CACUL1: variants seen among roughly 807,000 people sequenced by gnomAD.
CACUL1 encodes CDK2 associated cullin domain 1.
Under a neutral mutation model 45.2 loss-of-function variants are expected in CACUL1, and 13 were observed. That is an observed-to-expected ratio of 0.29 (90% CI 0.19 to 0.46). CACUL1 has a LOEUF of 0.46. Among genes scored for constraint, CACUL1 ranks in the 20% least tolerant of loss-of-function variants. The pLI is 1.00. For synonymous variants in CACUL1, 197 were observed against 174.2 expected (o/e 1.13, Z -1.03); for missense variants, 421 against 471.4 (o/e 0.89, Z 0.99).
At chr10:118,687,229 T>C (rs1845216258) in intron 7 of CACUL1, among the ~76,000 whole-genome samples, 1 of 152,094 alleles carries the variant, frequency 6.6e-6, no homozygotes. Context: ...TCATACACTC[T>C]CTCCACAGGC....
intron 3 of CACUL1, among the ~76,000 whole-genome samples, chr10:118,708,835 G>C (rs1410295060): frequency 6.6e-6 from 1 of 152,158 alleles, no homozygotes; most frequent in African/African-American, 2.4e-5. Context: ...CGAATAGGAA[G>C]CACCTTTGTC....
intron 3 of CACUL1, among the ~76,000 whole-genome samples, chr10:118,718,173 A>G (rs1293298820): frequency 3.3e-5 from 5 of 152,158 alleles, no homozygotes; most frequent in Non-Finnish European, 7.4e-5. Flanking sequence ...GTCAGCAACC[A>G]TTTTCAGGAT....
chr10:118,695,475 G>A (rs1369221847), intron 5 of CACUL1, among the ~76,000 whole-genome samples: 1 of 152,138 alleles, frequency 6.6e-6, no homozygotes, highest in Non-Finnish European at 1.5e-5. Flanking sequence ...TGAAAAGTAA[G>A]TAAAGCTTTC....
intron 4 of CACUL1, among the ~76,000 whole-genome samples, chr10:118,702,966 A>C (rs1288646607): frequency 6.6e-6 from 1 of 152,054 alleles, no homozygotes; most frequent in Non-Finnish European, 1.5e-5. Context: ...ATTCTCTCTT[A>C]ATTTAATTTA....
intron 5 of CACUL1, among the ~76,000 whole-genome samples, chr10:118,697,450 A>G (rs372110060): frequency 5.8e-4 from 88 of 152,368 alleles, no homozygotes; most frequent in African/African-American, 2.0e-3. Context: ...TAGTTTAAAC[A>G]CTAGAATAGA....
intron 4 of CACUL1, among the ~76,000 whole-genome samples, chr10:118,702,382 G>A (rs1042143825): frequency 6.6e-6 from 1 of 152,146 alleles, no homozygotes; most frequent in Non-Finnish European, 1.5e-5. Flanking sequence ...GTTACGGAGA[G>A]CAGAGAGACC....
chr10:118,710,706 G>A (rs371277611), intron 3 of CACUL1, among the ~76,000 whole-genome samples: 28 of 152,140 alleles, frequency 1.8e-4, no homozygotes, highest in African/African-American at 2.4e-4. Flanking sequence ...GGCAATATTT[G>A]TGTCTTATCT....
chr10:118,743,258 A>G (rs1369727180), intron 1 of CACUL1, among the ~76,000 whole-genome samples: 1 of 152,202 alleles, frequency 6.6e-6, no homozygotes, highest in African/African-American at 2.4e-5. Flanking sequence ...AACAAGTGTT[A>G]TAACATATGT....
In CACUL1 at chr10:118,698,064, C is replaced by A. The variant is rs562399590; in HGVS notation, c.797-2834G>T. On this transcript the variant is annotated intron_variant, in intron 5 of 8. Transcript: ENST00000369151. The stretch of plus-strand genomic sequence containing the variant: ...AATATGGGGCAATCAAGAACTGATT[C>A]TTTATTAACAGACAGTATTCATTTT... 4.0e-5 allele frequency among the ~76,000 whole-genome samples: 6 copies of A among 151,714 alleles called. No individual in the cohort carries two copies. The South Asian group carries it at 8.3e-4, about 21-fold the overall frequency.
At chr10:118,686,196 T>C (rs1845203787) in intron 8 of CACUL1, 28 bp from the exon 9 acceptor site, 1 of 1,591,156 alleles carries the variant, frequency 6.3e-7, no homozygotes, top group South Asian at 1.1e-5. Flanking sequence ...TAGGAAAAAG[T>C]ATGAAGAGCA....
Position 118,718,331 on chromosome 10 carries a change from A to G in CACUL1, c.598-10744T>C, listed in dbSNP as rs574746764. On this transcript the variant is annotated intron_variant, in intron 3 of 8. Transcript: ENST00000369151. ...GGTTGCCACAGGGTGTGTGGGGGGC[A>G]GGACAGGGAAGGGGAGAGTCGGGGA... Among the ~76,000 whole-genome samples, 461 of 152,062 alleles carry G rather than the reference A, an allele frequency of 3.0e-3. 2 individuals are homozygous for G. Among genetic ancestry groups the G allele is most frequent in the African/African-American group, 0.011 (440 of 41,544 alleles).
intron 3 of CACUL1, among the ~76,000 whole-genome samples, chr10:118,723,035 T>G (rs1334145766): frequency 1.3e-5 from 2 of 152,336 alleles, no homozygotes; most frequent in Non-Finnish European, 2.9e-5. Flanking sequence ...ACAGTGCCCA[T>G]GGGGTAGCCC....
At chr10:118,703,313 C>CT (rs915793902) in intron 4 of CACUL1, among the ~76,000 whole-genome samples, 14 of 150,510 alleles carry the variant, frequency 9.3e-5, no homozygotes, top group African/African-American at 3.4e-4. Flanking sequence ...TTTTTTCCCC[C>CT]TAAAAAAAAA....
intron 5 of CACUL1, among the ~76,000 whole-genome samples, chr10:118,697,529 A>G (rs1004246029): frequency 1.3e-5 from 2 of 152,218 alleles, no homozygotes; most frequent in African/African-American, 4.8e-5. Flanking sequence ...TTGATACCTG[A>G]ATTGGGACCA....
intron 3 of CACUL1, among the ~76,000 whole-genome samples, chr10:118,728,541 G>A (rs551316393): frequency 3.3e-5 from 5 of 152,088 alleles, no homozygotes; most frequent in African/African-American, 4.8e-5. Context: ...TACCTGTCTC[G>A]GCCTCTCAAA....
intron 3 of CACUL1, among the ~76,000 whole-genome samples, chr10:118,720,744 T>A (rs987215756): frequency 9.7e-4 from 148 of 152,328 alleles, no homozygotes; most frequent in African/African-American, 3.4e-3. Flanking sequence ...TTATGTTAAG[T>A]CCTATGAAGG....
chr10:118,707,716 AG>A (rs1369967731), intron 3 of CACUL1, 129 bp from the exon 4 acceptor site: 23 of 526,810 alleles, frequency 4.4e-5, no homozygotes, highest in African/African-American at 7.9e-5. Flanking sequence ...AAAAAAAAAA[AG>A]GAAGACACGT....
intron 1 of CACUL1, among the ~76,000 whole-genome samples, chr10:118,753,952 C>A (rs1845925409): frequency 6.6e-6 from 1 of 152,204 alleles, no homozygotes; most frequent in Admixed American, 6.5e-5. Context: ...AACACAAGAA[C>A]ACAAGTTGCC....
chr10:118,709,095 C>T (rs1183392030), intron 3 of CACUL1, among the ~76,000 whole-genome samples: 38 of 152,158 alleles, frequency 2.5e-4, no homozygotes. Flanking sequence ...ATCATTTATA[C>T]TGTATTCTTA....
Sources: allele counts gnomAD v4.1 joint callset (sites outside exome capture counted in the v4.1 genomes callset), GRCh38; gene constraint gnomAD v4.1.1; transcripts MANE v1.5; gene names NCBI Gene and HGNC (gene_info 2026-07-23, HGNC 2026-07-21).